DPP10: variants seen among roughly 807,000 people sequenced by gnomAD.
DPP10 encodes the protein dipeptidyl peptidase like 10, also known as inactive dipeptidyl peptidase 10.
Under a neutral mutation model 120.9 loss-of-function variants are expected in DPP10, and 33 were observed. The observed-to-expected ratio is 0.27, with a 90% CI of 0.21 to 0.37. The LOEUF (loss-of-function observed/expected upper bound fraction) is 0.37. Ranked by LOEUF, DPP10 falls within the 10% of genes least tolerant of loss-of-function variation. The probability of loss-of-function intolerance (pLI) is 1.00; values close to 1 mark genes in which losing one functional copy is unlikely to be tolerated. For missense variants in DPP10, 816 were observed against 942.8 expected, an observed-to-expected ratio of 0.87 and a Z score of 1.76; for synonymous variants, 337 against 326.1, an observed-to-expected ratio of 1.03 and a Z score of -0.36.
At chr2:114,949,697 C>A (rs1320002870) in intron 1 of DPP10, among the ~76,000 whole-genome samples, 1 of 152,070 alleles carries the variant, frequency 6.6e-6, no homozygotes, top group East Asian at 1.9e-4. Flanking sequence ...GTTGGGTTAG[C>A]CCTGCTGTTG....
chr2:114,577,861 C>T (rs962050496), intron 1 of DPP10, among the ~76,000 whole-genome samples: 6 of 152,138 alleles, frequency 3.9e-5, no homozygotes, highest in Non-Finnish European at 8.8e-5. Flanking sequence ...GACATTCTTC[C>T]TGTAAGCCTC....
chr2:114,583,003 G>A (rs1156579117), intron 1 of DPP10, among the ~76,000 whole-genome samples: 1 of 152,168 alleles, frequency 6.6e-6, no homozygotes, highest in African/African-American at 2.4e-5. Context: ...TGGGGCCTGG[G>A]AATCTGCATT....
At chr2:115,730,976 G>A (rs2092893456) in intron 8 of DPP10, among the ~76,000 whole-genome samples, 1 of 152,164 alleles carries the variant, frequency 6.6e-6, no homozygotes, top group African/African-American at 2.4e-5. Context: ...AGCAATCCTA[G>A]CACTTTGAGG....
At chr2:114,865,700 T>C (rs1690169995) in intron 1 of DPP10, among the ~76,000 whole-genome samples, 1 of 152,214 alleles carries the variant, frequency 6.6e-6, no homozygotes, top group Non-Finnish European at 1.5e-5. Context: ...AACTTTCTGC[T>C]ACACTTATTT....
intron 7 of DPP10, among the ~76,000 whole-genome samples, chr2:115,716,432 G>C (rs958096943): frequency 6.6e-6 from 1 of 152,092 alleles, no homozygotes; most frequent in South Asian, 2.1e-4. Context: ...GAAGTACGAG[G>C]GATAGCCAAT....
chr2:115,629,433 C>T (rs532066217), intron 5 of DPP10, among the ~76,000 whole-genome samples: 1 of 152,106 alleles, frequency 6.6e-6, no homozygotes, highest in South Asian at 2.1e-4. Flanking sequence ...GTCCCACCAA[C>T]AGTGTAAAAG....
intron 3 of DPP10, among the ~76,000 whole-genome samples, chr2:115,384,478 G>A (rs10176851): frequency 1.6e-5 from 2 of 122,436 alleles, no homozygotes; most frequent in Non-Finnish European, 1.7e-5. Context: ...GGAAGAAGAA[G>A]GAAGAAGAAG....
chr2:115,188,024 A>C (rs572296320), intron 1 of DPP10, among the ~76,000 whole-genome samples: 2 of 148,216 alleles, frequency 1.3e-5, no homozygotes, highest in South Asian at 4.3e-4. Flanking sequence ...TTTCAAAAAA[A>C]CAGAGAGACA....
chr2:114,583,461 C>T (rs895817571), intron 1 of DPP10, among the ~76,000 whole-genome samples: 2 of 152,188 alleles, frequency 1.3e-5, no homozygotes, highest in Non-Finnish European at 2.9e-5. Flanking sequence ...TCATAGATTT[C>T]TCCCTAGGAT....
intron 1 of DPP10, among the ~76,000 whole-genome samples, chr2:114,575,854 C>A (rs377651483): frequency 6.6e-6 from 1 of 152,100 alleles, no homozygotes; most frequent in Admixed American, 6.5e-5. Flanking sequence ...CCAAGCCTGG[C>A]CACTGGCTGA....
At chr2:115,425,589 A>T (rs2070380041) in intron 3 of DPP10, among the ~76,000 whole-genome samples, 1 of 152,212 alleles carries the variant, frequency 6.6e-6, no homozygotes, top group South Asian at 2.1e-4. Flanking sequence ...TTATAATAGA[A>T]CACTATTCCA....
intron 1 of DPP10, among the ~76,000 whole-genome samples, chr2:114,889,957 T>A (rs1334655331): frequency 6.6e-6 from 1 of 152,230 alleles, no homozygotes; most frequent in African/African-American, 2.4e-5. Flanking sequence ...CACAGCCCAC[T>A]GGAGAAGACT....
chr2:114,829,374 CT>C (rs375259302), intron 1 of DPP10, among the ~76,000 whole-genome samples: 56,281 of 144,590 alleles, frequency 0.39, 11,178 homozygotes, highest in Middle Eastern at 0.53. Flanking sequence ...ACGTTTTTGT[CT>C]TTTTTTTTTT....
At chr2:115,097,028 G>A (rs1021479971) in intron 1 of DPP10, among the ~76,000 whole-genome samples, 31 of 152,106 alleles carry the variant, frequency 2.0e-4, no homozygotes, top group Non-Finnish European at 3.1e-4. Flanking sequence ...ACTGCCTAAT[G>A]TAGACATTAC....
chr2:115,656,189 G>A (rs1050290272), intron 5 of DPP10, among the ~76,000 whole-genome samples: 1 of 149,970 alleles, frequency 6.7e-6, no homozygotes, highest in African/African-American at 2.4e-5. Flanking sequence ...CTTGATTTTG[G>A]TGATGATATA....
rs545148989 is a variant in DPP10, at chr2:114,975,184, G to A, written c.61-334055G>A. The stretch of plus-strand genomic sequence containing the variant: ...CCTCAGCCACCCAAGTAGCTGGGGC[G>A]ACAGGCGCATGCCACCACGCCCAGC... On this transcript the variant is annotated intron_variant, in intron 1 of 25. Transcript: ENST00000410059. 6.6e-5 allele frequency among the ~76,000 whole-genome samples: 10 copies of A among 151,468 alleles called. No individual in the cohort carries two copies. The East Asian group carries it at 1.2e-3, about 18-fold the overall frequency.
Position 114,945,178 on chromosome 2 carries a change from T to C in DPP10, c.61-364061T>C, listed in dbSNP as rs558277886. ...AGCAGAAAATCTATGTAAATTTGTG[T>C]TTGGTGGTGATATTTTAGATACAAT... On this transcript the variant is annotated intron_variant, in intron 1 of 25. Transcript: ENST00000410059. Among the ~76,000 whole-genome samples the C allele has an allele frequency of 1.2e-4, 19 of 152,304 alleles. No individual in the cohort carries two copies. In the South Asian group the frequency reaches 3.9e-3, roughly 32 times the overall value.
intron 1 of DPP10, among the ~76,000 whole-genome samples, chr2:114,475,955 C>G (rs1186973928): frequency 6.6e-6 from 1 of 151,724 alleles, no homozygotes; most frequent in East Asian, 1.9e-4. Flanking sequence ...CATTTTTTTG[C>G]AGGCTTCTTG....
chr2:115,119,007 A>G (rs62164539), intron 1 of DPP10, among the ~76,000 whole-genome samples: 14,602 of 152,184 alleles, frequency 0.096, 947 homozygotes, highest in Non-Finnish European at 0.13. Flanking sequence ...AGGGTCAAGC[A>G]GGCAACTTGA....
Sources: gnomAD v4.1 joint callset for allele counts (sites outside exome capture counted in the v4.1 genomes callset) on GRCh38, gnomAD v4.1.1 for gene constraint, MANE v1.5 for transcripts, NCBI Gene and HGNC (gene_info 2026-07-23, HGNC 2026-07-21) for gene names.